TDRD10: variants seen among roughly 807,000 people sequenced by gnomAD.
The protein encoded by TDRD10 is tudor domain containing 10, also known as tudor domain-containing protein 10.
TDRD10 carries 40 observed loss-of-function variants against 48.0 expected under a neutral mutation model. The ratio of observed to expected loss-of-function variants is 0.83; its 90% CI spans 0.65 to 1.09. The LOEUF (loss-of-function observed/expected upper bound fraction) is 1.09, where lower values mean the gene tolerates loss of function less well. TDRD10 is among the 50% of genes least tolerant of loss of function. The pLI, the probability that TDRD10 is intolerant of heterozygous loss-of-function variation, is 0.00. For synonymous variants in TDRD10, 162 were observed against 170.4 expected (o/e 0.95, Z 0.38); for missense variants, 378 against 434.7 (o/e 0.87, Z 1.16).
At chr1:154,524,156 C>T (rs1694192315) in intron 6 of TDRD10, among the ~76,000 whole-genome samples, 1 of 151,888 alleles carries the variant, frequency 6.6e-6, no homozygotes, top group Non-Finnish European at 1.5e-5. Context: ...TTTTCAGGCC[C>T]CTTTACAAAT....
intron 8 of TDRD10, among the ~76,000 whole-genome samples, chr1:154,543,473 CATT>C (rs1307622715): frequency 2.0e-5 from 3 of 152,126 alleles, no homozygotes; most frequent in Non-Finnish European, 4.4e-5. Flanking sequence ...TGTAGGGTGT[CATT>C]AGCCCCGTGT....
At chr1:154,537,427 G>A (rs986873753) in intron 6 of TDRD10, among the ~76,000 whole-genome samples, 5 of 152,240 alleles carry the variant, frequency 3.3e-5, no homozygotes, top group African/African-American at 1.2e-4. Context: ...GCACATAGAA[G>A]TGCAAGTGAT....
In TDRD10 at chr1:154,507,175, C is replaced by T. The variant is rs1412571951; in HGVS notation, c.3-66C>T. ...TTATGCAAGGCCCCTCTGCTTATGC[C>T]TGACACGTTTCCTTTTGTCGGAGTC... On this transcript the variant is annotated intron_variant, in intron 2 of 12. Transcript: ENST00000368482. 7 of 1,474,176 alleles carry T rather than the reference C, an allele frequency of 4.7e-6. No homozygotes were observed. In the South Asian group the frequency reaches 8.3e-5, roughly 17 times the overall value. 91.3% of individuals were successfully genotyped at this position (1,474,176 alleles called of 1,614,324 possible). A position where few individuals can be genotyped will look rare whatever the true frequency, so the allele number is the denominator to read the frequency against.
chr1:154,507,266 C>G lies in TDRD10; in HGVS notation c.28C>G (p.Leu10Val), dbSNP rs1193274624. The G allele has an allele frequency of 6.2e-7, 1 of 1,614,000 alleles. No individual in the cohort carries two copies. The highest frequency in any genetic ancestry group is 1.3e-5 in the African/African-American group (1 of 74,910). The change falls in exon 3 of 13, where the codon CTC (leucine) becomes GTC (valine). Residue 10 changes from leucine to valine, a missense_variant. By Grantham distance (32) the Leu-to-Val change is conservative (BLOSUM62 1). Transcript: ENST00000368482. MSWNISHPQ[L>V]SDKLFGKNGV... ...GTCCTGGAACATTAGTCACCCCCAA[C>G]TCTCTGATAAACTGTTTGGGAAGAA...
intron 6 of TDRD10, among the ~76,000 whole-genome samples, chr1:154,531,880 A>G (rs1185362893): frequency 6.6e-6 from 1 of 152,156 alleles, no homozygotes; most frequent in Non-Finnish European, 1.5e-5. Context: ...CCACCTCACC[A>G]CTAGATTAGC....
At chr1:154,505,027 G>C (rs903220623) in intron 1 of TDRD10, among the ~76,000 whole-genome samples, 2 of 152,066 alleles carry the variant, frequency 1.3e-5, no homozygotes, top group African/African-American at 4.8e-5. Flanking sequence ...ACACAAATAG[G>C]TTACTTCTCC....
chr1:154,509,752 TAGACG>T (rs1693342765), intron 4 of TDRD10: 2 of 958,108 alleles, frequency 2.1e-6, no homozygotes, highest in South Asian at 9.6e-5. Context: ...TGGCACCTGA[TAGACG>T]AGCCTACTAG....
chr1:154,529,100 A>G (rs4845644), intron 6 of TDRD10, among the ~76,000 whole-genome samples: 19,753 of 151,708 alleles, frequency 0.13, 1,456 homozygotes, highest in South Asian at 0.18. Context: ...TTTTTTTGAG[A>G]CGGAGTTTTG....
intron 6 of TDRD10, among the ~76,000 whole-genome samples, chr1:154,540,375 G>C (rs1695154551): frequency 6.6e-6 from 1 of 151,874 alleles, no homozygotes; most frequent in African/African-American, 2.4e-5. Flanking sequence ...TGCTCTGTAG[G>C]TAGTGATGCG....
intron 4 of TDRD10, chr1:154,509,971 C>A: frequency 3.2e-6 from 2 of 618,736 alleles, no homozygotes; most frequent in Non-Finnish European, 4.0e-6. Context: ...TACTGTCCCA[C>A]ACCATGGTAA....
chr1:154,506,139 T>C (rs1221301958), intron 1 of TDRD10, among the ~76,000 whole-genome samples: 1 of 152,172 alleles, frequency 6.6e-6, no homozygotes, highest in Non-Finnish European at 1.5e-5. Flanking sequence ...TATTATCCCA[T>C]AGCTCTGTAA....
chr1:154,511,526 A>G (rs973575267), intron 4 of TDRD10, among the ~76,000 whole-genome samples: 1 of 150,694 alleles, frequency 6.6e-6, no homozygotes, highest in Non-Finnish European at 1.5e-5. Flanking sequence ...AAATAATACA[A>G]AAATTACTAA....
chr1:154,506,288 G>A (rs957324857), intron 1 of TDRD10, among the ~76,000 whole-genome samples: 8 of 151,856 alleles, frequency 5.3e-5, no homozygotes, highest in African/African-American at 1.5e-4. Flanking sequence ...CATGGCTTGC[G>A]GCCCCTTCCT....
intron 4 of TDRD10, among the ~76,000 whole-genome samples, chr1:154,511,131 G>A (rs990493803): frequency 6.6e-6 from 1 of 151,560 alleles, no homozygotes; most frequent in Non-Finnish European, 1.5e-5. Flanking sequence ...TTGAGACAGG[G>A]TCTCATTTTG....
Position 154,544,920 on chromosome 1 carries a change from C to T in TDRD10, c.923C>T (p.Pro308Leu), listed in dbSNP as rs1349909964. The T allele has an allele frequency of 1.9e-6, 3 of 1,614,066 alleles. No individual in the cohort carries two copies. Among genetic ancestry groups the T allele is most frequent in the South Asian group, 2.2e-5 (2 of 91,090 alleles). ...LDSDDFWTIP[P>L]LTQPFMLEKD... ...AGCGACGACTTCTGGACCATCCCACCCCTGACTCAGCCATTCATGCTGGAG... is the reference window on the plus strand; with the variant it reads ...AGCGACGACTTCTGGACCATCCCACTCCTGACTCAGCCATTCATGCTGGAG... Residue 308 changes from proline to leucine, a missense_variant, in exon 11 of 13, where the codon CCC (proline) becomes CTC (leucine). Around this residue, in one of 2 missense-constraint regions of TDRD10, gnomAD observed 68 missense variants for 111.1 expected, o/e 0.61. Transcript: ENST00000368482.
intron 11 of TDRD10, among the ~76,000 whole-genome samples, chr1:154,545,936 T>C (rs1570995480): frequency 6.9e-6 from 1 of 144,824 alleles, no homozygotes; most frequent in South Asian, 2.2e-4. Context: ...AATTTTTTTT[T>C]TTTTTTTTTT....
chr1:154,507,438 A>G, intron 3 of TDRD10, 118 bp downstream of exon 3: 1 of 1,207,850 alleles, frequency 8.3e-7, no homozygotes, highest in Non-Finnish European at 1.2e-6. Flanking sequence ...ATCTGCCTAG[A>G]TTCTGCTCTT....
intron 4 of TDRD10, among the ~76,000 whole-genome samples, chr1:154,510,034 G>T (rs1472433428): frequency 6.6e-6 from 1 of 152,120 alleles, no homozygotes; most frequent in African/African-American, 2.4e-5. Context: ...CCTACCCATA[G>T]TGCCTTCTTT....
At chr1:154,529,853 A>T (rs753694481) in intron 6 of TDRD10, among the ~76,000 whole-genome samples, 3 of 151,978 alleles carry the variant, frequency 2.0e-5, no homozygotes, top group Non-Finnish European at 2.9e-5. Flanking sequence ...CTTCTTTCTT[A>T]CTTTGTAATG....
Sources: allele counts gnomAD v4.1 joint callset (sites outside exome capture counted in the v4.1 genomes callset), GRCh38; gene constraint gnomAD v4.1.1; regional missense constraint gnomAD v4.1.1; transcripts MANE v1.5; gene names NCBI Gene and HGNC (gene_info 2026-07-23, HGNC 2026-07-21).